The following LDAF1 variants were observed in gnomAD, a reference collection of about 807,000 sequenced individuals.
LDAF1 encodes the protein lipid droplet assembly factor 1, also known as PROMETHIN.
A neutral mutation model predicts 13.5 loss-of-function variants in LDAF1; 7 were observed. That is an observed-to-expected ratio of 0.52 (90% CI 0.29 to 0.97). LDAF1 has a LOEUF of 0.97. LDAF1 is among the 50% of genes least tolerant of loss of function. The pLI is 0.07. For synonymous variants in LDAF1, 69 were observed against 77.1 expected (o/e 0.89, Z 0.55); for missense variants, 148 against 193.2 (o/e 0.77, Z 1.39).
intron 3 of LDAF1, among the ~76,000 whole-genome samples, chr16:21,171,948 G>A (rs551204875): frequency 6.6e-6 from 1 of 151,828 alleles, no homozygotes; most frequent in Non-Finnish European, 1.5e-5. Context: ...ATGTTGGCCA[G>A]GATGGTCTTG....
rs1158261690 is a variant in LDAF1 at position 21,161,098 on chromosome 16, G to A, written c.-85G>A. On this transcript the variant is annotated 5_prime_UTR_variant, in exon 2 of 5. Coordinates refer to ENST00000233047, the MANE Select transcript of LDAF1 (RefSeq NM_001301771.2). ...CTCTGGTAACAGCAAGAGACAGAGC[G>A]ACATGAGAGATTGGACCGCGGGCTG... 7 of 1,568,982 alleles carry A rather than the reference G, an allele frequency of 4.5e-6. No individual in the cohort carries two copies. In the East Asian group the frequency reaches 6.7e-5, roughly 15 times the overall value.
At chr16:21,174,397 A>G (rs764587448) in intron 4 of LDAF1, among the ~76,000 whole-genome samples, 18 of 151,990 alleles carry the variant, frequency 1.2e-4, no homozygotes, top group Non-Finnish European at 1.8e-4. Context: ...GGGTCTTGCT[A>G]TGTTGCCCAG....
intron 2 of LDAF1, among the ~76,000 whole-genome samples, chr16:21,164,012 G>A (rs1190786547): frequency 4.6e-5 from 7 of 152,086 alleles, no homozygotes; most frequent in African/African-American, 1.7e-4. Flanking sequence ...ACCAGTGGTT[G>A]TAAATGGTCC....
At chr16:21,159,118 A>G (rs78092568) in intron 1 of LDAF1, among the ~76,000 whole-genome samples, 2,704 of 151,180 alleles carry the variant, frequency 0.018, 80 homozygotes, top group African/African-American at 0.062. Context: ...GTCGAGGCAA[A>G]CCTCCCTAGG....
At chr16:21,163,125 T>A (rs1173907142) in intron 2 of LDAF1, among the ~76,000 whole-genome samples, 1 of 152,234 alleles carries the variant, frequency 6.6e-6, no homozygotes, top group Non-Finnish European at 1.5e-5. Flanking sequence ...CACAGCCTTC[T>A]CATGGTTAGG....
At chr16:21,177,542 G>A (rs1484961481) in intron 4 of LDAF1, among the ~76,000 whole-genome samples, 2 of 151,492 alleles carry the variant, frequency 1.3e-5, no homozygotes, top group South Asian at 2.1e-4. Context: ...GTGAGAGAAT[G>A]TGAGTGAAAA....
intron 2 of LDAF1, among the ~76,000 whole-genome samples, chr16:21,165,871 T>C (rs1309782414): frequency 6.6e-6 from 1 of 152,156 alleles, no homozygotes; most frequent in Non-Finnish European, 1.5e-5. Context: ...ATTTATTTAT[T>C]TATCTTGAGA....
intron 2 of LDAF1, among the ~76,000 whole-genome samples, chr16:21,167,867 C>G (rs1341920373): frequency 6.7e-6 from 1 of 149,602 alleles, no homozygotes; most frequent in Non-Finnish European, 1.5e-5. Context: ...CTTAGCTGGG[C>G]GTGGTGGGGG....
At chr16:21,164,938 G>A (rs1183891471) in intron 2 of LDAF1, among the ~76,000 whole-genome samples, 6 of 152,196 alleles carry the variant, frequency 3.9e-5, no homozygotes, top group Non-Finnish European at 8.8e-5. Flanking sequence ...AATAAATGAG[G>A]AAATAATACG....
intron 4 of LDAF1, chr16:21,178,453 T>C: frequency 9.7e-6 from 9 of 923,626 alleles, no homozygotes; most frequent in Non-Finnish European, 1.2e-5. Flanking sequence ...AAGTAGATAC[T>C]AGTTTAAACA....
intron 3 of LDAF1, 24 bp downstream of exon 3, chr16:21,170,629 C>G: frequency 6.2e-7 from 1 of 1,612,434 alleles, no homozygotes; most frequent in Non-Finnish European, 8.5e-7. Flanking sequence ...TCATTCACCC[C>G]TTTAGAAAAT....
chr16:21,179,787 C>A lies in LDAF1; in HGVS notation c.*231C>A. The A allele has an allele frequency of 4.2e-6, 2 of 477,348 alleles. No homozygotes were observed. Among genetic ancestry groups the A allele is most frequent in the South Asian group, 4.9e-5 (2 of 41,154 alleles). 29.6% of individuals were successfully genotyped at this position (477,348 alleles called of 1,614,324 possible). ...GAAATGCGATGGTTCAACAGCTCGC[C>A]CTGCCCCAAGTATGCAGACTTGACC... On this transcript the variant is annotated 3_prime_UTR_variant, in exon 5 of 5. Coordinates refer to ENST00000233047, the MANE Select transcript of LDAF1 (RefSeq NM_001301771.2).
At chr16:21,170,812 C>T (rs574884061) in intron 3 of LDAF1, among the ~76,000 whole-genome samples, 1 of 152,176 alleles carries the variant, frequency 6.6e-6, no homozygotes. Flanking sequence ...GGTTGTCTGC[C>T]ATTCTTGTCA....
chr16:21,174,006 C>G lies in LDAF1; in HGVS notation c.266-4C>G. On this transcript the variant is annotated splice_polypyrimidine_tract_variant and splice_region_variant and intron_variant, in intron 3 of 4. Coordinates refer to ENST00000233047, the MANE Select transcript of LDAF1 (RefSeq NM_001301771.2). ...CCCTTCTCCTAACCACGTTCTCCTC[C>G]TAGGATTGGTCATCTCTGTGGGTGG... The G allele has an allele frequency of 6.2e-7, 1 of 1,611,946 alleles. No homozygotes were observed. Among genetic ancestry groups the G allele is most frequent in the South Asian group, 1.1e-5 (1 of 90,614 alleles).
At position 21,179,692 on chromosome 16, in the gene LDAF1, A is replaced by G. The variant is rs996218722; in HGVS notation, c.*136A>G. 4.2e-5 allele frequency: 29 copies of G among 684,610 alleles called. No individual in the cohort carries two copies. Among genetic ancestry groups the G allele is most frequent in the Non-Finnish European group, 6.3e-5 (26 of 412,082 alleles). 42.4% of individuals were successfully genotyped at this position (684,610 alleles called of 1,614,324 possible). On this transcript the variant is annotated 3_prime_UTR_variant, in exon 5 of 5. Transcript: ENST00000233047. ...TCCTCTCGCTTTTTCACTTACTTGTAGGATCCCGCAGCAGCCAATTTAGGG... is the reference window on the plus strand; with the variant it reads ...TCCTCTCGCTTTTTCACTTACTTGTGGGATCCCGCAGCAGCCAATTTAGGG...
At chr16:21,158,838 G>T (rs544133518) in intron 1 of LDAF1, 92 bp downstream of exon 1, 4 of 161,174 alleles carry the variant, frequency 2.5e-5, no homozygotes, top group Non-Finnish European at 5.4e-5. Context: ...GCGCGGGGGC[G>T]ACGGCGTGAG....
At chr16:21,170,341 G>C (rs1457032231) in intron 2 of LDAF1, 96 bp from the exon 3 acceptor site, 3 of 1,571,382 alleles carry the variant, frequency 1.9e-6, no homozygotes, top group Middle Eastern at 2.2e-4. Flanking sequence ...CTGGCTTTAC[G>C]ACTTCTGCCT....
chr16:21,169,943 C>T lies in LDAF1; in HGVS notation c.97-494C>T, dbSNP rs1488448887. Among the ~76,000 whole-genome samples the T allele has an allele frequency of 1.4e-5, 2 of 140,736 alleles. 1 individual carries two copies. Among genetic ancestry groups the T allele is most frequent in the Non-Finnish European group, 3.0e-5 (2 of 65,670 alleles). 92.3% of individuals were successfully genotyped at this position (140,736 alleles called of 152,430 possible). On this transcript the variant is annotated intron_variant, in intron 2 of 4. Coordinates refer to ENST00000233047, the MANE Select transcript of LDAF1 (RefSeq NM_001301771.2). ...TTTTTTTTTTTTTGAGACGGAGTTT[C>T]GCTCTTGTTATTCTTATTATCATTT... is the stretch of plus-strand genomic sequence containing the variant.
intron 2 of LDAF1, 51 bp downstream of exon 2, chr16:21,161,329 A>G (rs1477836245): frequency 1.3e-6 from 2 of 1,578,094 alleles, no homozygotes; most frequent in Non-Finnish European, 1.7e-6. Context: ...TAACACTAGC[A>G]TAAACAAGAT....
Sources: gnomAD v4.1 joint callset for allele counts (sites outside exome capture counted in the v4.1 genomes callset) on GRCh38, gnomAD v4.1.1 for gene constraint, MANE v1.5 for transcripts, NCBI Gene and HGNC (gene_info 2026-07-23, HGNC 2026-07-21) for gene names.